ADGRL3: variants seen among roughly 807,000 people sequenced by gnomAD.
ADGRL3 encodes calcium-independent alpha-latrotoxin receptor 3.
Under a neutral mutation model 153.5 loss-of-function variants are expected in ADGRL3, and 62 were observed. The observed-to-expected ratio is 0.40, with a 90% CI of 0.33 to 0.50. ADGRL3 has a LOEUF of 0.50. ADGRL3 is among the 20% of genes least tolerant of loss of function. The probability of loss-of-function intolerance (pLI) is 0.47; values close to 1 mark genes in which losing one functional copy is unlikely to be tolerated. For synonymous variants in ADGRL3, 710 were observed against 672.5 expected (o/e 1.06, Z -0.86); for missense variants, 1,641 against 1,859.4 (o/e 0.88, Z 2.16).
chr4:61,859,858 C>A (rs1157316779), intron 9 of ADGRL3, among the ~76,000 whole-genome samples: 2 of 152,122 alleles, frequency 1.3e-5, no homozygotes, highest in Non-Finnish European at 2.9e-5. Flanking sequence ...TTAAGGGAAA[C>A]AAGTCAGTGC....
chr4:61,706,090 C>G (rs572918983), intron 6 of ADGRL3, among the ~76,000 whole-genome samples: 7 of 152,270 alleles, frequency 4.6e-5, no homozygotes, highest in Admixed American at 4.6e-4. Flanking sequence ...TTTCTCCTAT[C>G]TAGCTAGGAA....
At chr4:61,503,193 A>G (rs1214198934) in intron 3 of ADGRL3, among the ~76,000 whole-genome samples, 2 of 152,280 alleles carry the variant, frequency 1.3e-5, no homozygotes, top group South Asian at 4.1e-4. Context: ...CTCAGTATGC[A>G]GGTTGGCAAT....
chr4:61,270,534 T>C (rs980682536), intron 1 of ADGRL3, among the ~76,000 whole-genome samples: 2 of 151,806 alleles, frequency 1.3e-5, no homozygotes, highest in African/African-American at 4.8e-5. Context: ...AAGGTCCTAA[T>C]CATATTAGGA....
Position 62,026,810 on chromosome 4 carries a change from A to AAAAC in ADGRL3, c.3396-2033_3396-2030dup, listed in dbSNP as rs564847724. The stretch of plus-strand genomic sequence containing the variant: ...AGTAGATTTTAGCTGCCCTGCTACA[A>AAAAC]AAACAAACAAACAAAAAATTGATAA... On this transcript the variant is annotated intron_variant, in intron 21 of 26. Coordinates refer to ENST00000683033, the MANE Select transcript of ADGRL3 (RefSeq NM_001387552.1). 4.6e-3 allele frequency among the ~76,000 whole-genome samples: 697 copies of AAAAC among 152,148 alleles called. 1 individual carries two copies. Among genetic ancestry groups the AAAAC allele is most frequent in the African/African-American group, 0.016 (661 of 41,554 alleles).
At chr4:61,476,487 C>T (rs1464140581) in intron 2 of ADGRL3, among the ~76,000 whole-genome samples, 3 of 151,880 alleles carry the variant, frequency 2.0e-5, no homozygotes, top group Admixed American at 6.6e-5. Flanking sequence ...GGGTGGATCA[C>T]CTGAAGTTGG....
intron 1 of ADGRL3, among the ~76,000 whole-genome samples, chr4:61,348,902 A>G (rs2095982687): frequency 6.6e-6 from 1 of 152,044 alleles, no homozygotes; most frequent in Non-Finnish European, 1.5e-5. Context: ...CTTGCCAAAG[A>G]AATAATACAG....
At chr4:61,952,703 A>G (rs1403321416) in intron 17 of ADGRL3, among the ~76,000 whole-genome samples, 1 of 152,198 alleles carries the variant, frequency 6.6e-6, no homozygotes, top group African/African-American at 2.4e-5. Context: ...GATTGGCTAT[A>G]TATTAACAAG....
chr4:61,463,649 C>T (rs1225172204), intron 2 of ADGRL3, among the ~76,000 whole-genome samples: 1 of 151,962 alleles, frequency 6.6e-6, no homozygotes, highest in Non-Finnish European at 1.5e-5. Flanking sequence ...ACTTTAAGGG[C>T]ACAACACTCT....
rs371266067 is a variant in ADGRL3, at chr4:61,597,118, A to G, written c.473+9678A>G. Reference sequence around the variant, plus strand: ...GCTCAAAAAGACTTGAGATCTTTCCAAAAATGTTAAGTGCCCATAACTATT... The same window carrying G: ...GCTCAAAAAGACTTGAGATCTTTCCGAAAATGTTAAGTGCCCATAACTATT... On this transcript the variant is annotated intron_variant, in intron 5 of 26. Transcript: ENST00000683033. Among the ~76,000 whole-genome samples, 34 of 152,210 alleles carry G rather than the reference A, an allele frequency of 2.2e-4. 1 individual carries two copies. In the East Asian group the frequency reaches 2.3e-3, roughly 10 times the overall value.
chr4:61,211,869 T>C (rs72632602), intron 1 of ADGRL3: 3,372 of 152,282 alleles, frequency 0.022, 54 homozygotes, highest in Middle Eastern at 0.058. Flanking sequence ...CACTGTACAA[T>C]GACAATGTAC....
intron 9 of ADGRL3, among the ~76,000 whole-genome samples, chr4:61,883,085 C>T (rs554528144): frequency 6.6e-5 from 10 of 152,278 alleles, no homozygotes; most frequent in Admixed American, 1.3e-4. Context: ...CACTGCCCTC[C>T]GGCCTGGGCA....
At chr4:61,911,308 G>A (rs1226479106) in intron 12 of ADGRL3, among the ~76,000 whole-genome samples, 1 of 152,130 alleles carries the variant, frequency 6.6e-6, no homozygotes, top group Non-Finnish European at 1.5e-5. Context: ...ACTGGCTACA[G>A]CTAATCAGCT....
chr4:61,691,582 A>G (rs917856181), intron 6 of ADGRL3, among the ~76,000 whole-genome samples: 2 of 152,320 alleles, frequency 1.3e-5, no homozygotes, highest in Non-Finnish European at 2.9e-5. Context: ...TAAGTAATGC[A>G]TATAACAGAA....
At chr4:61,316,323 G>A (rs914655699) in intron 1 of ADGRL3, among the ~76,000 whole-genome samples, 4 of 152,150 alleles carry the variant, frequency 2.6e-5, no homozygotes, top group African/African-American at 9.7e-5. Flanking sequence ...ATTTAGTATG[G>A]TAGGCCAAGT....
intron 8 of ADGRL3, among the ~76,000 whole-genome samples, chr4:61,736,442 T>A (rs964754492): frequency 6.6e-6 from 1 of 152,022 alleles, no homozygotes; most frequent in African/African-American, 2.4e-5. Context: ...TCACTTGAGG[T>A]CAGGAGTTCA....
At chr4:61,922,839 C>T (rs1423207592) in intron 13 of ADGRL3, among the ~76,000 whole-genome samples, 1 of 152,040 alleles carries the variant, frequency 6.6e-6, no homozygotes, top group Admixed American at 6.6e-5. Context: ...AGGAAAATAG[C>T]CAGTAAATCA....
At chr4:61,821,228 G>T (rs1470560443) in intron 9 of ADGRL3, among the ~76,000 whole-genome samples, 1 of 146,140 alleles carries the variant, frequency 6.8e-6, no homozygotes, top group African/African-American at 2.5e-5. Context: ...TCTAAAAAAT[G>T]CCCTCCTAAT....
At chr4:61,857,913 G>T (rs17090555) in intron 9 of ADGRL3, among the ~76,000 whole-genome samples, 14,256 of 151,966 alleles carry the variant, frequency 0.094, 1,456 homozygotes, top group African/African-American at 0.25. Context: ...ATTTGGGAGG[G>T]TTACATTAAG....
intron 21 of ADGRL3, among the ~76,000 whole-genome samples, chr4:62,017,456 C>CTAT (rs1468917695): frequency 6.7e-6 from 1 of 148,366 alleles, no homozygotes; most frequent in Non-Finnish European, 1.5e-5. Context: ...TTTTTTTAGA[C>CTAT]TATTAGACTA....
Sources: gnomAD v4.1 joint callset for allele counts (sites outside exome capture counted in the v4.1 genomes callset) on GRCh38, gnomAD v4.1.1 for gene constraint, MANE v1.5 for transcripts, NCBI Gene and HGNC (gene_info 2026-07-23, HGNC 2026-07-21) for gene names.